Variants in DMXL1 observed in about 807,000 individuals in gnomAD.
The protein encoded by DMXL1 is Dmx like 1, also known as dmX-like protein 1.
DMXL1 carries 99 observed loss-of-function variants against 319.2 expected under a neutral mutation model. That is an observed-to-expected ratio of 0.31 (90% CI 0.26 to 0.37). DMXL1 has a LOEUF of 0.37. Ranked by LOEUF, DMXL1 falls within the 10% of genes least tolerant of loss-of-function variation. The probability of loss-of-function intolerance (pLI) is 1.00; values close to 1 mark genes in which losing one functional copy is unlikely to be tolerated. For synonymous variants in DMXL1, 1,385 were observed against 1,235.2 expected (o/e 1.12, Z -2.54); for missense variants, 3,745 against 3,595.6 (o/e 1.04, Z -1.06).
chr5:119,129,617 A>G (rs1384958276), intron 10 of DMXL1, among the ~76,000 whole-genome samples, 194 bp downstream of exon 10: 1 of 152,090 alleles, frequency 6.6e-6, no homozygotes, highest in Non-Finnish European at 1.5e-5. Flanking sequence ...TTATTTAAGG[A>G]CTGGGGGTTC....
chr5:119,168,621 C>A (rs1303848217), intron 23 of DMXL1, among the ~76,000 whole-genome samples: 1 of 152,126 alleles, frequency 6.6e-6, no homozygotes, highest in Non-Finnish European at 1.5e-5. Flanking sequence ...GTTTAAGTCT[C>A]CTAGCCATTT....
chr5:119,121,184 T>G (rs763574063), intron 9 of DMXL1, 45 bp downstream of exon 9: 16 of 1,479,640 alleles, frequency 1.1e-5, no homozygotes, highest in Non-Finnish European at 1.5e-5. Context: ...TTGAATAGAT[T>G]GATTTTATAA....
intron 1 of DMXL1, among the ~76,000 whole-genome samples, chr5:119,078,718 C>T (rs1751538553): frequency 6.6e-6 from 1 of 152,148 alleles, no homozygotes; most frequent in South Asian, 2.1e-4. Context: ...TCTCAAAATG[C>T]TGGGATTACA....
chr5:119,108,637 C>G (rs893638196), intron 4 of DMXL1, among the ~76,000 whole-genome samples: 2 of 152,068 alleles, frequency 1.3e-5, no homozygotes, highest in African/African-American at 4.8e-5. Flanking sequence ...CCAGACAGGT[C>G]TTGAACTCCT....
intron 43 of DMXL1, among the ~76,000 whole-genome samples, chr5:119,245,186 C>G (rs1479412042): frequency 6.6e-6 from 1 of 152,140 alleles, no homozygotes; most frequent in Non-Finnish European, 1.5e-5. Flanking sequence ...TAATAACACA[C>G]CTAGTAATTT....
At chr5:119,176,677 A>G (rs189855336) in intron 26 of DMXL1, among the ~76,000 whole-genome samples, 7 of 152,186 alleles carry the variant, frequency 4.6e-5, no homozygotes, top group Non-Finnish European at 8.8e-5. Context: ...ATATTCATGT[A>G]CTTAATGTAT....
chr5:119,175,419 A>G (rs1775610173), intron 26 of DMXL1, 82 bp downstream of exon 26: 3 of 963,452 alleles, frequency 3.1e-6, no homozygotes, highest in South Asian at 1.5e-5. Context: ...GTTTAGAACT[A>G]TATATAACAG....
At position 119,240,481 on chromosome 5, in the gene DMXL1, C is replaced by A. The variant is rs749847719; in HGVS notation, c.8704+10C>A. ...AATAGTTTAGTCCATGGTAAGTTTT[C>A]AAAGCATTTTATAAATTTTGAAAGT... On this transcript the variant is annotated intron_variant, in intron 42 of 43. Transcript: ENST00000539542. 5.7e-6 allele frequency: 9 copies of A among 1,583,314 alleles called. No individual in the cohort carries two copies. Among genetic ancestry groups the A allele is most frequent in the Non-Finnish European group, 7.8e-6 (9 of 1,157,836 alleles).
chr5:119,150,922 T>G (rs1026576720), intron 18 of DMXL1, among the ~76,000 whole-genome samples: 2 of 152,042 alleles, frequency 1.3e-5, no homozygotes, highest in African/African-American at 2.4e-5. Flanking sequence ...CTGTAAATCA[T>G]AGTACTATGA....
intron 33 of DMXL1, among the ~76,000 whole-genome samples, chr5:119,205,793 C>T (rs74779451): frequency 6.1e-4 from 93 of 151,916 alleles, no homozygotes; most frequent in African/African-American, 1.4e-3. Flanking sequence ...TAATCTTTAC[C>T]GGAAAGGTTA....
intron 43 of DMXL1, 135 bp downstream of exon 43, chr5:119,244,711 A>AC: frequency 3.5e-6 from 2 of 565,916 alleles, no homozygotes; most frequent in Non-Finnish European, 6.0e-6. Flanking sequence ...GCTAATTGCT[A>AC]TTTAATCTTT....
chr5:119,170,329 G>A lies in DMXL1; in HGVS notation c.5538G>A (p.Leu1846=), dbSNP rs1774297504. The change falls in exon 24 of 44, where the codon CTG becomes CTA. Residue 1846 remains leucine (L), a synonymous_variant. Coordinates refer to ENST00000539542, the MANE Select transcript of DMXL1 (RefSeq NM_001290321.3). ...THMSLTGKSG[L]AGTINLSERR... is the part of the protein sequence containing the mutation. ...TGAGCCTAACAGGAAAAAGTGGACT[G>A]GCAGGAACAATTAATTTAAGTGAAA... 1.5e-5 allele frequency: 25 copies of A among 1,613,918 alleles called. No homozygotes were observed. Among genetic ancestry groups the A allele is most frequent in the Non-Finnish European group, 2.1e-5 (25 of 1,179,942 alleles).
At chr5:119,112,598 C>T (rs2149864515) in intron 5 of DMXL1, among the ~76,000 whole-genome samples, 1 of 152,210 alleles carries the variant, frequency 6.6e-6, no homozygotes, top group Admixed American at 6.5e-5. Context: ...GTATTTTGCA[C>T]CCCTCAGATA....
In DMXL1 at chr5:119,133,719, A is replaced by T. The variant is rs149505362; in HGVS notation, c.1795A>T (p.Met599Leu). 21 of 1,614,230 alleles carry T rather than the reference A, an allele frequency of 1.3e-5. No homozygotes were observed. The African/African-American group carries it at 2.0e-4, about 15-fold the overall frequency. The change falls in exon 12 of 44, where the codon ATG becomes TTG. Residue 599 changes from methionine (M) to leucine (L), a missense_variant. Physicochemically the swap from Met to Leu is conservative, Grantham distance 15. Transcript: ENST00000539542. ...AAGTATTTTTACGCCTAATGTTATG[A>T]TGATATCAAAACATGCTGATGGTTC... is the stretch of plus-strand genomic sequence containing the variant. Reference protein sequence around the residue: ...KLSIFTPNVMMISKHADGSLN... With the variant: ...KLSIFTPNVMLISKHADGSLN...
At chr5:119,097,810 G>A (rs1358865244) in intron 1 of DMXL1, among the ~76,000 whole-genome samples, 169 bp from the exon 2 acceptor site, 1 of 151,928 alleles carries the variant, frequency 6.6e-6, no homozygotes, top group East Asian at 1.9e-4. Context: ...TATATGGGGA[G>A]GTAAGGGAAA....
intron 28 of DMXL1, among the ~76,000 whole-genome samples, chr5:119,187,482 C>T (rs1258029672): frequency 6.6e-6 from 1 of 152,090 alleles, no homozygotes; most frequent in East Asian, 1.9e-4. Context: ...TTAAGTCTTC[C>T]TACAATTGGA....
At position 119,105,223 on chromosome 5, in the gene DMXL1, A is replaced by C; in HGVS notation, c.329A>C (p.Glu110Ala). The C allele has an allele frequency of 6.2e-7, 1 of 1,613,386 alleles. No homozygotes were observed. The highest frequency in any genetic ancestry group is 8.5e-7 in the Non-Finnish European group (1 of 1,179,492). ...QWQKSGQFFLESIAHNITWDP... is the reference protein window; with the variant it reads ...QWQKSGQFFLASIAHNITWDP... ...CAGAAAAGTGGCCAATTTTTTCTGG[A>C]ATCAATAGCACACAATATAACCTGG... The change falls in exon 4 of 44, where the codon GAA becomes GCA. Residue 110 changes from glutamate (E) to alanine (A), a missense_variant. Physicochemically the swap from Glu to Ala is moderately radical, Grantham distance 107. Coordinates refer to ENST00000539542, the MANE Select transcript of DMXL1 (RefSeq NM_001290321.3).
intron 35 of DMXL1, among the ~76,000 whole-genome samples, chr5:119,218,911 T>C (rs969391097): frequency 1.3e-5 from 2 of 152,170 alleles, no homozygotes; most frequent in Admixed American, 1.3e-4. Context: ...GTCTCAGATT[T>C]TACCTTAAAT....
At chr5:119,203,539 C>G (rs1045277362) in intron 33 of DMXL1, 103 bp downstream of exon 33, 1 of 572,440 alleles carries the variant, frequency 1.7e-6, no homozygotes, top group East Asian at 3.5e-5. Flanking sequence ...TTTGAAAACA[C>G]GTATCATAAA....
Sources: gnomAD v4.1 joint callset for allele counts (sites outside exome capture counted in the v4.1 genomes callset) on GRCh38, gnomAD v4.1.1 for gene constraint, MANE v1.5 for transcripts, NCBI Gene and HGNC (gene_info 2026-07-23, HGNC 2026-07-21) for gene names.